The following ATP2B2 variants were observed in gnomAD, a reference collection of about 807,000 sequenced individuals.
The protein encoded by ATP2B2 is plasma membrane calcium-transporting ATPase 2.
A neutral mutation model predicts 120.0 loss-of-function variants in ATP2B2; 15 were observed. The observed-to-expected ratio is 0.12, with a 90% CI of 0.08 to 0.19. The LOEUF is 0.19. Among genes scored for constraint, ATP2B2 ranks in the 10% least tolerant of loss-of-function variants. The pLI is 1.00. For missense variants in ATP2B2, 1,045 were observed against 1,719.8 expected, an observed-to-expected ratio of 0.61 and a Z score of 6.94; for synonymous variants, 694 against 700.3, an observed-to-expected ratio of 0.99 and a Z score of 0.14.
In ATP2B2 at chr3:10,350,135, G is replaced by A. The variant is rs200946394; in HGVS notation, c.2381C>T (p.Thr794Met). The change falls in exon 16 of 23, where the codon ACG (threonine) becomes ATG (methionine). Residue 794 changes from threonine (T) to methionine (M), a missense_variant. Thr to Met is a moderately conservative substitution (Grantham distance 81). Coordinates refer to ENST00000360273, the MANE Select transcript of ATP2B2 (RefSeq NM_001001331.4). ...ACCTTTAACCAGGGTATGCTTGTCC[G>A]TTGGGGAGGAGCGAGCCAGCACCCG... ...KLRVLARSSP[T>M]DKHTLVKGII... 4.4e-5 allele frequency: 71 copies of A among 1,612,664 alleles called. No individual in the cohort carries two copies. The highest frequency in any genetic ancestry group is 5.5e-5 in the South Asian group (5 of 91,068).
At chr3:10,519,246 T>C (rs1173478919) in intron 3 of ATP2B2, among the ~76,000 whole-genome samples, 5 of 152,218 alleles carry the variant, frequency 3.3e-5, no homozygotes, top group African/African-American at 1.2e-4. Context: ...AGCCATACTG[T>C]GGATTTGCCC....
intron 3 of ATP2B2, among the ~76,000 whole-genome samples, chr3:10,533,270 G>A (rs1367576689): frequency 6.6e-6 from 1 of 152,174 alleles, no homozygotes; most frequent in East Asian, 1.9e-4. Context: ...GTTGAGTGGT[G>A]TTCTGGCCTC....
At chr3:10,418,027 C>A (rs1489700598) in intron 2 of ATP2B2, among the ~76,000 whole-genome samples, 1 of 152,112 alleles carries the variant, frequency 6.6e-6, no homozygotes. Flanking sequence ...CTTACACAGG[C>A]CTTTGGGGTG....
In ATP2B2 at chr3:10,371,909, T is replaced by C. The variant is rs758994103; in HGVS notation, c.1559A>G (p.His520Arg). 5 of 1,614,086 alleles carry C rather than the reference T, an allele frequency of 3.1e-6. No individual in the cohort carries two copies. Among genetic ancestry groups the C allele is most frequent in the Admixed American group, 3.3e-5 (2 of 59,998 alleles). The change falls in exon 12 of 23, where the codon CAC (histidine) becomes CGC (arginine). Residue 520 changes from histidine to arginine, a missense_variant. By Grantham distance (29) the His-to-Arg change is conservative (BLOSUM62 0). This residue lies in a region of ATP2B2 where 343 missense variants were observed against 536.8 expected (regional missense o/e 0.64). Coordinates refer to ENST00000360273, the MANE Select transcript of ATP2B2 (RefSeq NM_001001331.4). ...GCTGGGGTCGGGGATCTCTTTATAGTGGACGTCGCCGACATAGGCCTGTAC... is the reference window on the plus strand; with the variant it reads ...GCTGGGGTCGGGGATCTCTTTATAGCGGACGTCGCCGACATAGGCCTGTAC... ...TVVQAYVGDV[H>R]YKEIPDPSSI...
At chr3:10,615,386 AT>A (rs2069357643) in intron 2 of ATP2B2, among the ~76,000 whole-genome samples, 1 of 152,204 alleles carries the variant, frequency 6.6e-6, no homozygotes, top group South Asian at 2.1e-4. Flanking sequence ...CAGTCAAGAC[AT>A]GAGCAGAAAC....
At chr3:10,439,642 T>C (rs2063590487) in intron 2 of ATP2B2, among the ~76,000 whole-genome samples, 1 of 152,216 alleles carries the variant, frequency 6.6e-6, no homozygotes, top group Non-Finnish European at 1.5e-5. Context: ...TTAGCATTTT[T>C]CTCCAGTATC....
At chr3:10,417,096 C>T (rs1381032526) in intron 2 of ATP2B2, among the ~76,000 whole-genome samples, 1 of 140,750 alleles carries the variant, frequency 7.1e-6, no homozygotes, top group Non-Finnish European at 1.5e-5. Flanking sequence ...AGGGGCTCCT[C>T]ATTTCCCAGA....
intron 1 of ATP2B2, among the ~76,000 whole-genome samples, chr3:10,649,318 C>A (rs1424432424): frequency 6.6e-6 from 1 of 152,220 alleles, no homozygotes; most frequent in Non-Finnish European, 1.5e-5. Flanking sequence ...ACAGCACAGT[C>A]ACAGAATATT....
intron 5 of ATP2B2, among the ~76,000 whole-genome samples, chr3:10,395,519 G>A (rs2062006900): frequency 6.6e-6 from 1 of 152,246 alleles, no homozygotes; most frequent in African/African-American, 2.4e-5. Context: ...GGAGGAGAGT[G>A]AGATTTGTCA....
At chr3:10,600,115 G>C (rs949707918) in intron 2 of ATP2B2, among the ~76,000 whole-genome samples, 12 of 152,130 alleles carry the variant, frequency 7.9e-5, no homozygotes, top group South Asian at 6.2e-4. Flanking sequence ...GGGCTGGTGG[G>C]GGGCCATGGG....
At chr3:10,401,784 G>C (rs1281054819) in intron 4 of ATP2B2, among the ~76,000 whole-genome samples, 1 of 152,230 alleles carries the variant, frequency 6.6e-6, no homozygotes, top group Admixed American at 6.5e-5. Flanking sequence ...TGCTGAGAAG[G>C]CTTCTGCGGC....
chr3:10,366,489 C>T (rs2061062865), intron 12 of ATP2B2, among the ~76,000 whole-genome samples: 1 of 152,170 alleles, frequency 6.6e-6, no homozygotes, highest in South Asian at 2.1e-4. Flanking sequence ...ATTTGTTTTT[C>T]TCTCAATAGC....
intron 2 of ATP2B2, among the ~76,000 whole-genome samples, chr3:10,417,410 C>T (rs1268220399): frequency 1.3e-5 from 2 of 152,180 alleles, no homozygotes; most frequent in African/African-American, 4.8e-5. Flanking sequence ...AATGGGTGAG[C>T]TGAGGATGGA....
At chr3:10,651,704 AATGGATGG>A (rs59633869) in intron 1 of ATP2B2, among the ~76,000 whole-genome samples, 1 of 150,728 alleles carries the variant, frequency 6.6e-6, no homozygotes, top group African/African-American at 2.4e-5. Flanking sequence ...TGGAAGGGTG[AATGGATGG>A]ATGGATGGAT....
intron 1 of ATP2B2, among the ~76,000 whole-genome samples, chr3:10,630,012 A>G (rs1318118993): frequency 3.9e-5 from 6 of 152,154 alleles, no homozygotes; most frequent in Admixed American, 1.3e-4. Context: ...TCGGGGACAG[A>G]CTGACCTCTC....
intron 2 of ATP2B2, among the ~76,000 whole-genome samples, chr3:10,534,859 TTCTC>T (rs1198152854): frequency 1.3e-5 from 2 of 150,030 alleles, no homozygotes; most frequent in Admixed American, 1.3e-4. Context: ...ATCAGCTTCC[TTCTC>T]TCTCTCTCTC....
chr3:10,410,688 G>T lies in ATP2B2; in HGVS notation c.327C>A (p.Ile109=). 6.2e-7 allele frequency: 1 copy of T among 1,614,206 alleles called. No homozygotes were observed. The highest frequency in any genetic ancestry group is 8.5e-7 in the Non-Finnish European group (1 of 1,180,018). ...VWEALQDVTL[I]ILEIAAIISL... ...AGATGATGGCGGCAATCTCCAGGAT[G>T]ATGAGCGTCACGTCCTGCAGCGCCT... Residue 109 remains isoleucine (I), a synonymous_variant, in exon 3 of 23, where the codon ATC becomes ATA. Coordinates refer to ENST00000360273, the MANE Select transcript of ATP2B2 (RefSeq NM_001001331.4).
At position 10,343,884 on chromosome 3, in the gene ATP2B2, T is replaced by C. The variant is rs2060354703; in HGVS notation, c.2704-919A>G. Among the ~76,000 whole-genome samples, 1 of 152,156 alleles carries C rather than the reference T, an allele frequency of 6.6e-6. No individual in the cohort carries two copies. ...CTCAGCCCCATTCTCCTCCTCGTCCTGTGGCTTTAGTTACATCCGTCTAGT... is the reference window on the plus strand; with the variant it reads ...CTCAGCCCCATTCTCCTCCTCGTCCCGTGGCTTTAGTTACATCCGTCTAGT... On this transcript the variant is annotated intron_variant, in intron 18 of 22. Transcript: ENST00000360273. This position sits in a 1 kb window ranked among gnomAD's most constrained non-coding sequence, Gnocchi z 4.2.
intron 1 of ATP2B2, among the ~76,000 whole-genome samples, chr3:10,634,295 C>A (rs1471981246): frequency 6.6e-6 from 1 of 152,252 alleles, no homozygotes; most frequent in African/African-American, 2.4e-5. Context: ...TTACGGCAAT[C>A]TCACTGTCAG....
Sources: allele counts gnomAD v4.1 joint callset (sites outside exome capture counted in the v4.1 genomes callset), GRCh38; gene constraint gnomAD v4.1.1; regional missense constraint gnomAD v4.1.1; non-coding constraint Gnocchi (gnomAD v3.1); transcripts MANE v1.5; gene names NCBI Gene and HGNC (gene_info 2026-07-23, HGNC 2026-07-21).